The following NELL2 variants were observed in gnomAD, a reference collection of about 807,000 sequenced individuals.
NELL2 encodes the protein neural EGFL like 2, also known as protein kinase C-binding protein NELL2.
In NELL2, 41 loss-of-function variants were observed where a neutral mutation model predicts 109.6. The observed-to-expected ratio is 0.37, with a 90% CI of 0.29 to 0.49. NELL2 has a LOEUF of 0.49. NELL2 is among the 20% of genes least tolerant of loss of function. NELL2 has a pLI of 0.98. For missense variants in NELL2, 900 were observed against 1,008.3 expected (o/e 0.89, Z 1.45); for synonymous variants, 355 against 344.7 (o/e 1.03, Z -0.33).
intron 3 of NELL2, among the ~76,000 whole-genome samples, chr12:44,800,338 A>G (rs1942785774): frequency 3.3e-5 from 5 of 152,100 alleles, no homozygotes; most frequent in Admixed American, 3.3e-4. Context: ...TTAAAATCCA[A>G]CCTATACATA....
chr12:44,684,030 G>T (rs1468351297), intron 12 of NELL2, among the ~76,000 whole-genome samples: 1 of 152,192 alleles, frequency 6.6e-6, no homozygotes, highest in Non-Finnish European at 1.5e-5. Flanking sequence ...GTAGAATTCA[G>T]CTGTGAATCC....
At chr12:44,644,601 TA>T (rs1947001378) in intron 13 of NELL2, among the ~76,000 whole-genome samples, 1 of 77,682 alleles carries the variant, frequency 1.3e-5, no homozygotes, top group South Asian at 3.5e-4. Context: ...TATATATATA[TA>T]TGTATGTATA....
At chr12:44,743,502 C>T (rs1940130378) in intron 9 of NELL2, among the ~76,000 whole-genome samples, 1 of 61,540 alleles carries the variant, frequency 1.6e-5, no homozygotes, top group African/African-American at 6.6e-5. Context: ...AAGACACAGA[C>T]TAGCAAATTG....
At chr12:44,536,049 G>C (rs1265465838) in intron 15 of NELL2, among the ~76,000 whole-genome samples, 2 of 151,800 alleles carry the variant, frequency 1.3e-5, no homozygotes, top group Non-Finnish European at 2.9e-5. Flanking sequence ...ATTTTGATTT[G>C]TTTATGCAAA....
rs150835712 is a variant in NELL2, at chr12:44,848,054, A to G, written c.184+27171T>C. 2.5e-3 allele frequency among the ~76,000 whole-genome samples: 381 copies of G among 150,820 alleles called. 3 individuals carry two copies. The highest frequency in any genetic ancestry group is 8.4e-3 in the African/African-American group (344 of 41,032). ...TCAAAAAAAAAAAAAAAAAAGGCAG[A>G]AAAAGACTCTTGCCCACTTCCTGTT... On this transcript the variant is annotated intron_variant, in intron 2 of 19. Coordinates refer to ENST00000429094, the MANE Select transcript of NELL2 (RefSeq NM_001145108.2).
chr12:44,754,871 AT>A (rs1390837475), intron 9 of NELL2, among the ~76,000 whole-genome samples: 1 of 152,122 alleles, frequency 6.6e-6, no homozygotes, highest in East Asian at 1.9e-4. Context: ...GCAAACCCAC[AT>A]TTTTTTCCAT....
chr12:44,572,245 G>A (rs982748604), intron 15 of NELL2, among the ~76,000 whole-genome samples: 5 of 152,128 alleles, frequency 3.3e-5, no homozygotes, highest in Non-Finnish European at 5.9e-5. Flanking sequence ...GTGTCCAAGC[G>A]ATTCTTCTGC....
chr12:44,726,738 T>C (rs1048866511), intron 9 of NELL2, among the ~76,000 whole-genome samples: 8 of 152,162 alleles, frequency 5.3e-5, no homozygotes, highest in Admixed American at 2.6e-4. Flanking sequence ...AGTACTTTTT[T>C]AGTAATTTTA....
chr12:44,742,573 G>A (rs950308188), intron 9 of NELL2, among the ~76,000 whole-genome samples: 12 of 152,224 alleles, frequency 7.9e-5, no homozygotes, highest in South Asian at 2.1e-4. Context: ...AAAATTAGAC[G>A]AATGGATAAC....
chr12:44,744,322 A>G (rs374586876), intron 9 of NELL2, among the ~76,000 whole-genome samples: 2 of 151,686 alleles, frequency 1.3e-5, no homozygotes, highest in East Asian at 2.0e-4. Flanking sequence ...GAAATTTATA[A>G]CACTAAATGC....
chr12:44,776,844 T>C (rs1941775212), intron 7 of NELL2, among the ~76,000 whole-genome samples, 198 bp downstream of exon 7: 1 of 152,226 alleles, frequency 6.6e-6, no homozygotes, highest in South Asian at 2.1e-4. Context: ...ATTCCTGATT[T>C]ACTGAATTAT....
intron 2 of NELL2, among the ~76,000 whole-genome samples, chr12:44,852,252 C>T (rs187380503): frequency 4.5e-4 from 69 of 152,280 alleles, no homozygotes; most frequent in Admixed American, 2.1e-3. Context: ...TTAACATACA[C>T]TGCTGGAAAA....
At chr12:44,516,605 T>TAA (rs1463797913) in intron 19 of NELL2, among the ~76,000 whole-genome samples, 2 of 152,206 alleles carry the variant, frequency 1.3e-5, no homozygotes, top group Non-Finnish European at 2.9e-5. Flanking sequence ...TAGGTGTACT[T>TAA]TTTTAGTGAG....
intron 2 of NELL2, among the ~76,000 whole-genome samples, chr12:44,847,567 G>GAAAAAAA (rs5797920): frequency 7.0e-6 from 1 of 142,948 alleles, no homozygotes; most frequent in Non-Finnish European, 1.5e-5. Flanking sequence ...AGAAATGGGG[G>GAAAAAAA]AAAAAAAAAA....
chr12:44,519,316 A>G (rs1159708188), intron 19 of NELL2, among the ~76,000 whole-genome samples: 1 of 152,232 alleles, frequency 6.6e-6, no homozygotes, highest in African/African-American at 2.4e-5. Flanking sequence ...ATAATAATCA[A>G]ATTAGAATGC....
intron 13 of NELL2, among the ~76,000 whole-genome samples, chr12:44,649,619 T>C (rs1174029541): frequency 6.6e-6 from 1 of 152,214 alleles, no homozygotes; most frequent in Non-Finnish European, 1.5e-5. Flanking sequence ...GCTTCAGAGA[T>C]GACTTGGTCT....
chr12:44,904,378 A>G (rs1340487342), intron 1 of NELL2, among the ~76,000 whole-genome samples: 1 of 152,174 alleles, frequency 6.6e-6, no homozygotes, highest in Non-Finnish European at 1.5e-5. Context: ...TTATAGCTAA[A>G]GGAATATGTG....
intron 9 of NELL2, among the ~76,000 whole-genome samples, chr12:44,747,699 A>C (rs1434675862): frequency 6.6e-6 from 1 of 152,122 alleles, no homozygotes; most frequent in Non-Finnish European, 1.5e-5. Context: ...GAATAAACAG[A>C]TTATCCCTAT....
At chr12:44,550,609 C>T (rs1943007061) in intron 15 of NELL2, among the ~76,000 whole-genome samples, 1 of 151,310 alleles carries the variant, frequency 6.6e-6, no homozygotes, top group African/African-American at 2.4e-5. Flanking sequence ...GTTATGGGGA[C>T]AACTTAAATG....
Sources: allele counts gnomAD v4.1 joint callset (sites outside exome capture counted in the v4.1 genomes callset), GRCh38; gene constraint gnomAD v4.1.1; transcripts MANE v1.5; gene names NCBI Gene and HGNC (gene_info 2026-07-23, HGNC 2026-07-21).